The following GLIS3 variants were observed in gnomAD, a reference collection of about 807,000 sequenced individuals.
GLIS3 encodes zinc finger protein GLIS3.
GLIS3 carries 53 observed loss-of-function variants against 78.6 expected under a neutral mutation model. That is an observed-to-expected ratio of 0.67 (90% CI 0.54 to 0.85). GLIS3 has a LOEUF of 0.85. Ranked by LOEUF, GLIS3 falls within the 40% of genes least tolerant of loss-of-function variation. GLIS3 has a pLI of 0.00. For missense variants in GLIS3, 1,703 were observed against 1,231.1 expected (o/e 1.38, Z -5.74); for synonymous variants, 684 against 509.9 (o/e 1.34, Z -4.60).
the GLIS3 span, among the ~76,000 whole-genome samples, chr9:4,385,904 A>C: frequency 1.1e-4 from 16 of 152,118 alleles, no homozygotes; most frequent in Non-Finnish European, 2.1e-4. Context: ...AAGAGATTCT[A>C]ATCTCCTGTA....
chr9:4,389,731 G>A, the GLIS3 span, among the ~76,000 whole-genome samples: 30 of 152,290 alleles, frequency 2.0e-4, 2 homozygotes, highest in Admixed American at 5.2e-4. Flanking sequence ...AGACGGCACC[G>A]CATACAGACA....
chr9:4,103,801 T>C (rs1018041764), intron 4 of GLIS3, among the ~76,000 whole-genome samples: 3 of 152,168 alleles, frequency 2.0e-5, no homozygotes, highest in African/African-American at 7.2e-5. Flanking sequence ...GACTATATTC[T>C]GGTCTGGAAG....
At chr9:4,281,708 G>C (rs1024097968) in intron 2 of GLIS3, among the ~76,000 whole-genome samples, 1 of 152,124 alleles carries the variant, frequency 6.6e-6, no homozygotes, top group African/African-American at 2.4e-5. Flanking sequence ...TGCTGCTGTG[G>C]ACATGGGTGT....
intron 2 of GLIS3, among the ~76,000 whole-genome samples, chr9:4,338,509 C>T (rs2130579226): frequency 6.6e-6 from 1 of 152,154 alleles, no homozygotes; most frequent in East Asian, 1.9e-4. Flanking sequence ...CTATGAGGTA[C>T]TGTTCATATC....
At chr9:4,186,104 C>T (rs1171281605) in intron 2 of GLIS3, among the ~76,000 whole-genome samples, 1 of 150,786 alleles carries the variant, frequency 6.6e-6, no homozygotes, top group Admixed American at 6.6e-5. Context: ...CACACATTAA[C>T]TCGTCATTTA....
intron 4 of GLIS3, among the ~76,000 whole-genome samples, chr9:3,960,034 C>G (rs949252352): frequency 6.6e-6 from 1 of 152,158 alleles, no homozygotes; most frequent in Non-Finnish European, 1.5e-5. Flanking sequence ...CACCTGTAAT[C>G]TCAGTTGCAG....
At chr9:3,863,087 C>G (rs1820329143) in intron 8 of GLIS3, among the ~76,000 whole-genome samples, 1 of 152,204 alleles carries the variant, frequency 6.6e-6, no homozygotes, top group Non-Finnish European at 1.5e-5. Flanking sequence ...GATTTCACAT[C>G]TGATTTAACA....
intron 4 of GLIS3, among the ~76,000 whole-genome samples, chr9:3,972,042 C>G (rs1027437730): frequency 2.0e-5 from 3 of 152,130 alleles, no homozygotes; most frequent in African/African-American, 7.2e-5. Context: ...TTACTGCTCA[C>G]GTAACACACT....
intron 4 of GLIS3, among the ~76,000 whole-genome samples, chr9:4,059,526 T>C (rs1055022930): frequency 3.3e-5 from 5 of 152,206 alleles, no homozygotes; most frequent in African/African-American, 1.2e-4. Flanking sequence ...GAAGTACTAT[T>C]GGCTTTTCTA....
intron 2 of GLIS3, among the ~76,000 whole-genome samples, chr9:4,342,832 G>A (rs1187570061): frequency 6.6e-6 from 1 of 152,098 alleles, no homozygotes; most frequent in African/African-American, 2.4e-5. Flanking sequence ...TGTATTCATA[G>A]GTATTTTATT....
At chr9:4,391,016 C>A in the GLIS3 span, among the ~76,000 whole-genome samples, 1 of 152,208 alleles carries the variant, frequency 6.6e-6, no homozygotes, top group Non-Finnish European at 1.5e-5. Context: ...TCTGTCTACT[C>A]ATCCTCCTGT....
At chr9:3,993,118 C>T (rs1314269579) in intron 4 of GLIS3, among the ~76,000 whole-genome samples, 1 of 152,146 alleles carries the variant, frequency 6.6e-6, no homozygotes, top group Non-Finnish European at 1.5e-5. Context: ...GTTCTCACTC[C>T]AGCTCTCAAG....
At chr9:4,202,279 T>G (rs1193272461) in intron 2 of GLIS3, among the ~76,000 whole-genome samples, 1 of 150,026 alleles carries the variant, frequency 6.7e-6, no homozygotes, top group Non-Finnish European at 1.5e-5. Flanking sequence ...GCCTCCCGAG[T>G]AGCTGGGACT....
chr9:4,340,311 T>C (rs546616588), intron 2 of GLIS3, among the ~76,000 whole-genome samples: 87 of 144,290 alleles, frequency 6.0e-4, no homozygotes, highest in African/African-American at 2.1e-3. Flanking sequence ...AAAAAAAGTA[T>C]GTCATTTTCC....
the GLIS3 span, among the ~76,000 whole-genome samples, chr9:4,409,893 A>C: frequency 6.6e-6 from 1 of 152,242 alleles, no homozygotes; most frequent in South Asian, 2.1e-4. Context: ...CCAAATGCCT[A>C]TAAGTTATTT....
chr9:4,010,420 C>A (rs913380882), intron 4 of GLIS3, among the ~76,000 whole-genome samples: 1 of 152,178 alleles, frequency 6.6e-6, no homozygotes, highest in Non-Finnish European at 1.5e-5. Context: ...GCATTCCTCT[C>A]CCCTTTAGAA....
chr9:4,253,725 G>C (rs934000470), intron 2 of GLIS3, among the ~76,000 whole-genome samples: 8 of 152,188 alleles, frequency 5.3e-5, no homozygotes, highest in African/African-American at 1.9e-4. Flanking sequence ...GAAACCCACG[G>C]CCCTGGTGGT....
intron 7 of GLIS3, among the ~76,000 whole-genome samples, chr9:3,887,708 G>A (rs118079336): frequency 0.031 from 4,703 of 152,204 alleles, 108 homozygotes; most frequent in Middle Eastern, 0.051. Context: ...AGAAGATAAT[G>A]GCTGATGCCA....
the GLIS3 span, among the ~76,000 whole-genome samples, chr9:4,380,683 A>C: frequency 6.6e-6 from 1 of 152,200 alleles, no homozygotes; most frequent in African/African-American, 2.4e-5. Context: ...TTCTTTGAGA[A>C]TACTTTGAGA....
Sources: allele counts gnomAD v4.1 joint callset (sites outside exome capture counted in the v4.1 genomes callset), GRCh38; gene constraint gnomAD v4.1.1; transcripts MANE v1.5; gene names NCBI Gene and HGNC (gene_info 2026-07-23, HGNC 2026-07-21).